UNC5D: variants seen among roughly 807,000 people sequenced by gnomAD.
UNC5D encodes unc-5 netrin receptor D.
UNC5D carries 39 observed loss-of-function variants against 105.4 expected under a neutral mutation model. The observed-to-expected ratio is 0.37, with a 90% confidence interval of 0.29 to 0.48. UNC5D has a LOEUF of 0.48. Among genes scored for constraint, UNC5D ranks in the 20% least tolerant of loss-of-function variants. The pLI is 0.98. For synonymous variants in UNC5D, 452 were observed against 450.4 expected (o/e 1.00, Z -0.04); for missense variants, 991 against 1,202.4 (o/e 0.82, Z 2.60).
At chr8:35,301,203 C>T (rs969095161) in intron 1 of UNC5D, among the ~76,000 whole-genome samples, 6 of 151,292 alleles carry the variant, frequency 4.0e-5, no homozygotes, top group African/African-American at 1.5e-4. Flanking sequence ...ACGAAGGGGT[C>T]CAAAAAGGAT....
At chr8:35,506,330 C>T (rs192353469) in intron 1 of UNC5D, among the ~76,000 whole-genome samples, 17 of 152,272 alleles carry the variant, frequency 1.1e-4, no homozygotes, top group Admixed American at 8.5e-4. Flanking sequence ...CCAGAGTCCC[C>T]CAATATACTG....
chr8:35,304,545 C>T (rs967303983), intron 1 of UNC5D, among the ~76,000 whole-genome samples: 4 of 151,852 alleles, frequency 2.6e-5, no homozygotes, highest in African/African-American at 7.3e-5. Flanking sequence ...ATTGTTCAGG[C>T]GTGTCATTTA....
chr8:35,487,014 C>A (rs1810864592), intron 1 of UNC5D, among the ~76,000 whole-genome samples: 1 of 152,086 alleles, frequency 6.6e-6, no homozygotes, highest in African/African-American at 2.4e-5. Context: ...ATCCAACCCC[C>A]CAGGTCACTA....
chr8:35,765,770 C>T (rs1181121564), intron 14 of UNC5D, among the ~76,000 whole-genome samples: 1 of 152,184 alleles, frequency 6.6e-6, no homozygotes, highest in Non-Finnish European at 1.5e-5. Flanking sequence ...CTGGCTTCAT[C>T]ACCAGTCATA....
intron 1 of UNC5D, among the ~76,000 whole-genome samples, chr8:35,377,105 C>G (rs1802746036): frequency 6.6e-6 from 1 of 152,172 alleles, no homozygotes; most frequent in Admixed American, 6.5e-5. Flanking sequence ...ATCATTTTAT[C>G]TGCTTCTCAG....
intron 1 of UNC5D, among the ~76,000 whole-genome samples, chr8:35,379,082 G>A (rs2128930551): frequency 6.6e-6 from 1 of 152,246 alleles, no homozygotes; most frequent in African/African-American, 2.4e-5. Flanking sequence ...ATAATTCTTT[G>A]GATTTCCTCC....
At chr8:35,396,203 G>A (rs953871173) in intron 1 of UNC5D, among the ~76,000 whole-genome samples, 9 of 152,058 alleles carry the variant, frequency 5.9e-5, no homozygotes, top group East Asian at 3.9e-4. Flanking sequence ...AGGGGTCCCC[G>A]TAACTACTCT....
Position 35,236,354 on chromosome 8 carries a change from GGGGA to G in UNC5D, c.103+470_103+473del, listed in dbSNP as rs1296868192. Among the ~76,000 whole-genome samples, 10 of 130,020 alleles carry G rather than the reference GGGGA, an allele frequency of 7.7e-5. No individual in the cohort carries two copies. In the East Asian group the frequency reaches 2.3e-3, roughly 30 times the overall value. The allele number at this position is 130,020 out of a possible 152,430, so 85.3% of individuals were successfully genotyped here. A position where few individuals can be genotyped will look rare whatever the true frequency, so the allele number is the denominator to read the frequency against. On this transcript the variant is annotated intron_variant, in intron 1 of 16. Transcript: ENST00000404895. ...AACAGAGAGGGTGTCTTTTCCCTTA[GGGGA>G]GGAACACCCATGCTGAAGTCCCTTC...
intron 8 of UNC5D, among the ~76,000 whole-genome samples, chr8:35,708,932 T>C (rs958006082): frequency 2.0e-5 from 3 of 152,128 alleles, no homozygotes; most frequent in African/African-American, 7.2e-5. Context: ...TTTCCCATCT[T>C]CTCTATTTCA....
At chr8:35,656,257 CTTTAT>C (rs2131205648) in intron 4 of UNC5D, among the ~76,000 whole-genome samples, 1 of 152,236 alleles carries the variant, frequency 6.6e-6, no homozygotes, top group South Asian at 2.1e-4. Flanking sequence ...ACAAAACACA[CTTTAT>C]TTTATTGCCT....
chr8:35,735,472 C>A (rs1829420090), intron 11 of UNC5D, among the ~76,000 whole-genome samples: 1 of 152,158 alleles, frequency 6.6e-6, no homozygotes, highest in African/African-American at 2.4e-5. Flanking sequence ...GGGCTCAGCC[C>A]AGATGGGACA....
Position 35,792,352 on chromosome 8 carries a change from A to G in UNC5D, c.*1789A>G, listed in dbSNP as rs980122761. The G allele has an allele frequency of 1.3e-5, 2 of 152,278 alleles. No homozygotes were observed. The highest frequency in any genetic ancestry group is 4.8e-5 in the African/African-American group (2 of 41,444). 9.4% of individuals were successfully genotyped at this position (152,278 alleles called of 1,614,324 possible). On this transcript the variant is annotated 3_prime_UTR_variant, in exon 17 of 17. Coordinates refer to ENST00000404895, the MANE Select transcript of UNC5D (RefSeq NM_080872.4). ...TAACATGTGGTATGTATGGTCCCCT[A>G]TATTAGATAGAAGTCTTTGCTACAT...
intron 1 of UNC5D, among the ~76,000 whole-genome samples, chr8:35,461,837 C>T (rs1277222150): frequency 6.6e-6 from 1 of 152,092 alleles, no homozygotes; most frequent in African/African-American, 2.4e-5. Flanking sequence ...GAAATTAGAC[C>T]TGGTTGCCAT....
At chr8:35,731,367 C>T (rs942221759) in intron 11 of UNC5D, among the ~76,000 whole-genome samples, 11 of 119,936 alleles carry the variant, frequency 9.2e-5, no homozygotes, top group Non-Finnish European at 1.5e-4. Context: ...TGCCACTGCA[C>T]TTCAGTCTGG....
intron 1 of UNC5D, among the ~76,000 whole-genome samples, chr8:35,260,920 G>C (rs1804448454): frequency 6.6e-6 from 1 of 152,148 alleles, no homozygotes; most frequent in Non-Finnish European, 1.5e-5. Flanking sequence ...ACTGATGACT[G>C]TTTCCAGAAT....
rs1477225206 is a variant in UNC5D, at chr8:35,712,920, TCTC to T, written c.1117+6962_1117+6964del. Among the ~76,000 whole-genome samples, 3 of 152,254 alleles carry T rather than the reference TCTC, an allele frequency of 2.0e-5. No homozygotes were observed. In the East Asian group the frequency reaches 5.8e-4, roughly 29 times the overall value. Reference sequence around the variant, plus strand: ...CCTATTTTTTGTCCATTTTTCCTCATCTCCTGCTGATCATTTTCAATTACATAA... The same window carrying T: ...CCTATTTTTTGTCCATTTTTCCTCATCTGCTGATCATTTTCAATTACATAA... On this transcript the variant is annotated intron_variant, in intron 8 of 16. Coordinates refer to ENST00000404895, the MANE Select transcript of UNC5D (RefSeq NM_080872.4).
chr8:35,278,051 C>T (rs534984201), intron 1 of UNC5D, among the ~76,000 whole-genome samples: 6 of 152,238 alleles, frequency 3.9e-5, no homozygotes, highest in Admixed American at 2.6e-4. Context: ...GTTAGTTAGC[C>T]TCCCCCTTCC....
intron 1 of UNC5D, among the ~76,000 whole-genome samples, chr8:35,487,440 CAGA>C (rs950754709): frequency 3.3e-5 from 5 of 152,118 alleles, no homozygotes; most frequent in Non-Finnish European, 5.9e-5. Context: ...CCTCTGGACT[CAGA>C]GTGAAGCTCT....
intron 1 of UNC5D, among the ~76,000 whole-genome samples, chr8:35,248,678 T>G (rs1456627840): frequency 8.0e-5 from 8 of 99,764 alleles, no homozygotes; most frequent in African/African-American, 3.5e-4. Flanking sequence ...ATGTTATATA[T>G]AATATATATA....
Sources: gnomAD v4.1 joint callset for allele counts (sites outside exome capture counted in the v4.1 genomes callset) on GRCh38, gnomAD v4.1.1 for gene constraint, MANE v1.5 for transcripts, NCBI Gene and HGNC (gene_info 2026-07-23, HGNC 2026-07-21) for gene names.